SSX1: variants seen among roughly 807,000 people sequenced by gnomAD.
The protein encoded by SSX1 is SSX family member 1, also known as protein SSX1.
SSX1 carries 58 observed loss-of-function variants against 14.6 expected under a neutral mutation model. The ratio of observed to expected loss-of-function variants is 3.96; its 90% CI spans 3.21 to 4.93. The LOEUF (loss-of-function observed/expected upper bound fraction) is 4.93, where lower values mean the gene tolerates loss of function less well. Among genes scored for constraint, SSX1 ranks in the 30% most tolerant of loss-of-function variants. SSX1 has a pLI of 0.00. For synonymous variants in SSX1, 46 were observed against 52.1 expected, an observed-to-expected ratio of 0.88 and a Z score of 0.50; for missense variants, 272 against 143.1, an observed-to-expected ratio of 1.90 and a Z score of -4.60.
At position 48,261,284 on chromosome X, in the gene SSX1, G is replaced by A. The variant is rs113315331; in HGVS notation, c.281-482G>A. Among the ~76,000 whole-genome samples, 252 of 111,843 alleles carry A rather than the reference G, an allele frequency of 2.3e-3. 1 individual carries two copies. Among genetic ancestry groups the A allele is most frequent in the African/African-American group, 7.9e-3 (245 of 30,846 alleles). The stretch of plus-strand genomic sequence containing the variant: ...AGAGATCTGAAACTCCAGTGCTTGA[G>A]TATCTGCCAAGTTTTGACATTAAAG... On this transcript the variant is annotated intron_variant, in intron 4 of 7. Coordinates refer to ENST00000376919, the MANE Select transcript of SSX1 (RefSeq NM_005635.4).
At chrX:48,259,452 C>CTG (rs1457131160) in intron 4 of SSX1, among the ~76,000 whole-genome samples, 2 of 77,060 alleles carry the variant, frequency 2.6e-5, no homozygotes, top group Non-Finnish European at 5.9e-5. Context: ...TTGCTAAACA[C>CTG]TGTTTTTTTT....
chrX:48,265,460 C>A (rs1485289219), intron 6 of SSX1, among the ~76,000 whole-genome samples: 3 of 111,223 alleles, frequency 2.7e-5, no homozygotes, highest in Admixed American at 1.9e-4. Flanking sequence ...AATAGGTAGG[C>A]CCAAGAAAAG....
intron 5 of SSX1, 128 bp from the exon 6 acceptor site, chrX:48,263,654 C>A (rs2059612653): frequency 7.4e-6 from 7 of 949,204 alleles, no homozygotes; most frequent in Non-Finnish European, 1.0e-5. Context: ...CTCATTTAGG[C>A]AAGTGTAACT....
intron 6 of SSX1, among the ~76,000 whole-genome samples, chrX:48,266,083 A>G (rs1381113409): frequency 1.8e-5 from 2 of 112,180 alleles, no homozygotes; most frequent in African/African-American, 6.5e-5. Context: ...AGAAGGAGCC[A>G]GAAGCTAAAA....
chrX:48,265,480 T>C (rs1556936236), intron 6 of SSX1, among the ~76,000 whole-genome samples: 3 of 111,689 alleles, frequency 2.7e-5, no homozygotes, highest in African/African-American at 9.8e-5. Context: ...GGAAAAGAGA[T>C]GGGGAAGAGC....
In SSX1 at chrX:48,266,346, AT is replaced by A. The variant is rs781857370; in HGVS notation, c.529del (p.Tyr177MetfsTer23). ...HRLRERKQLV[I>X]YEEISDPEED... ...ACTGCGTGAGAGAAAGCAGCTGGTGATTTATGAAGAGATCAGTGACCCTGAG... is the reference window on the plus strand; with the variant it reads ...ACTGCGTGAGAGAAAGCAGCTGGTGATTATGAAGAGATCAGTGACCCTGAG... On this transcript the variant is annotated frameshift_variant, in exon 7 of 8. Coordinates refer to ENST00000376919, the MANE Select transcript of SSX1 (RefSeq NM_005635.4). LOFTEE classifies it high-confidence loss of function. 4.1e-6 allele frequency: 5 copies of A among 1,210,289 alleles called. No individual in the cohort carries two copies. The highest frequency in any genetic ancestry group is 5.6e-6 in the Non-Finnish European group (5 of 895,375).
At chrX:48,266,201 A>G in intron 6 of SSX1, 86 bp from the exon 7 acceptor site, 8 of 1,196,987 alleles carry the variant, frequency 6.7e-6, no homozygotes, top group Non-Finnish European at 9.0e-6. Flanking sequence ...CTTGGGAGGG[A>G]GGAGGCATCT....
At chrX:48,261,050 C>G (rs1463180015) in intron 4 of SSX1, among the ~76,000 whole-genome samples, 1 of 111,531 alleles carries the variant, frequency 9.0e-6, no homozygotes, top group African/African-American at 3.3e-5. Context: ...TGTCAGTGAG[C>G]GGAGATAACA....
chrX:48,258,575 A>G lies in SSX1; in HGVS notation c.224A>G (p.Gln75Arg). The G allele has an allele frequency of 5.0e-6, 6 of 1,209,458 alleles. No individual in the cohort carries two copies. Among genetic ancestry groups the G allele is most frequent in the Non-Finnish European group, 5.6e-6 (5 of 894,038 alleles). ...VTLPPFMCNK[Q>R]ATDFQGNDFD... ...CTCCCACCTTTCATGTGTAATAAAC[A>G]GGCCACAGACTTCCAGGGGAATGAT... The change falls in exon 4 of 8, where the codon CAG (glutamine) becomes CGG (arginine). Residue 75 changes from glutamine (Q) to arginine (R), a missense_variant. Coordinates refer to ENST00000376919, the MANE Select transcript of SSX1 (RefSeq NM_005635.4).
intron 1 of SSX1, among the ~76,000 whole-genome samples, chrX:48,256,962 C>A (rs2059584159): frequency 9.1e-6 from 1 of 110,445 alleles, no homozygotes; most frequent in Admixed American, 9.7e-5. Context: ...AAACTACTAA[C>A]AACACTAGCC....
intron 2 of SSX1, chrX:48,257,520 G>C (rs7886888): frequency 0.44 from 329,671 of 749,851 alleles, 51,885 homozygotes; most frequent in Non-Finnish European, 0.46. Context: ...GTAACTCTCA[G>C]TCCATTCTGG....
intron 6 of SSX1, among the ~76,000 whole-genome samples, chrX:48,265,552 G>T (rs1325544597): frequency 9.0e-6 from 1 of 110,628 alleles, no homozygotes; most frequent in East Asian, 2.8e-4. Context: ...ATCTTCTCTA[G>T]GTGGAGTTCC....
intron 4 of SSX1, among the ~76,000 whole-genome samples, chrX:48,259,447 A>T (rs1364439525): frequency 2.4e-5 from 2 of 82,463 alleles, no homozygotes; most frequent in African/African-American, 8.1e-5. Context: ...TGTTCTTGCT[A>T]AACACTGTTT....
At chrX:48,266,005 G>T (rs1439692315) in intron 6 of SSX1, among the ~76,000 whole-genome samples, 1 of 111,912 alleles carries the variant, frequency 8.9e-6, no homozygotes, top group African/African-American at 3.2e-5. Flanking sequence ...ACAAATACGT[G>T]CTGAATGAAA....
At chrX:48,261,841 C>T in intron 5 of SSX1, 26 bp downstream of exon 5, 2 of 1,204,611 alleles carry the variant, frequency 1.7e-6, no homozygotes, top group Admixed American at 2.2e-5. Flanking sequence ...ATCTAAAGGA[C>T]CAGAGAACCT....
intron 6 of SSX1, among the ~76,000 whole-genome samples, chrX:48,265,156 A>C (rs1556936194): frequency 8.9e-6 from 1 of 112,020 alleles, no homozygotes; most frequent in African/African-American, 3.2e-5. Context: ...TTGCTTTCTT[A>C]TTCTTGTGTT....
intron 3 of SSX1, 39 bp from the exon 4 acceptor site, chrX:48,258,497 G>A (rs1204404498): frequency 6.4e-6 from 7 of 1,089,032 alleles, no homozygotes; most frequent in Non-Finnish European, 8.9e-6. Flanking sequence ...CCAGGCCTAA[G>A]TTTGTCCCTT....
chrX:48,263,974 T>C lies in SSX1; in HGVS notation c.466+57T>C. The C allele has an allele frequency of 3.4e-6, 4 of 1,186,860 alleles. No homozygotes were observed. The South Asian group carries it at 7.6e-5, about 23-fold the overall frequency. Reference sequence around the variant, plus strand: ...TGGCTTTTCTGGCTATGTTCAGGTGTGTGGACTGGGTGTGTGGCATGGATC... The same window carrying C: ...TGGCTTTTCTGGCTATGTTCAGGTGCGTGGACTGGGTGTGTGGCATGGATC... On this transcript the variant is annotated intron_variant, in intron 6 of 7. Coordinates refer to ENST00000376919, the MANE Select transcript of SSX1 (RefSeq NM_005635.4).
At chrX:48,262,473 G>A (rs1241403767) in intron 5 of SSX1, among the ~76,000 whole-genome samples, 1 of 111,895 alleles carries the variant, frequency 8.9e-6, no homozygotes, top group Non-Finnish European at 1.9e-5. Context: ...GGACCAGCTG[G>A]CCTCTGCTCT....
Sources: gnomAD v4.1 joint callset for allele counts (sites outside exome capture counted in the v4.1 genomes callset) on GRCh38, gnomAD v4.1.1 for gene constraint, MANE v1.5 for transcripts, NCBI Gene and HGNC (gene_info 2026-07-23, HGNC 2026-07-21) for gene names.